The following STON2 variants were observed in gnomAD, a reference collection of about 807,000 sequenced individuals.
STON2 encodes stonin 2.
Under a neutral mutation model 65.7 loss-of-function variants are expected in STON2, and 29 were observed. That is an observed-to-expected ratio of 0.44 (90% CI 0.33 to 0.60). The LOEUF is 0.60. STON2 is among the 20% of genes least tolerant of loss of function. The pLI is 0.03. For missense variants in STON2, 1,054 were observed against 1,118.1 expected (o/e 0.94, Z 0.82); for synonymous variants, 404 against 414.2 (o/e 0.98, Z 0.30).
intron 5 of STON2, among the ~76,000 whole-genome samples, chr14:81,297,951 C>T (rs570433990): frequency 1.3e-5 from 2 of 152,308 alleles, no homozygotes; most frequent in East Asian, 3.9e-4. Context: ...GCAGGAGAAT[C>T]GCTTGAACCT....
intron 2 of STON2, among the ~76,000 whole-genome samples, chr14:81,411,260 G>A (rs1219739385): frequency 6.6e-6 from 1 of 152,204 alleles, no homozygotes; most frequent in Non-Finnish European, 1.5e-5. Flanking sequence ...AGAATGTTTT[G>A]AAGGTGGGAT....
intron 5 of STON2, among the ~76,000 whole-genome samples, chr14:81,321,442 T>A (rs1433630138): frequency 1.3e-5 from 2 of 148,566 alleles, no homozygotes; most frequent in African/African-American, 5.0e-5. Flanking sequence ...CACAGCTGGG[T>A]ATTGTTCTGA....
chr14:81,264,413 A>G lies in STON2; in HGVS notation c.*4001T>C. On this transcript the variant is annotated 3_prime_UTR_variant, in exon 8 of 8. Coordinates refer to ENST00000614646, the MANE Select transcript of STON2 (RefSeq NM_001394390.1). ...GTCTCAGGGTCAGTATTCTTTCAGC[A>G]AACATTTATTGAATACATACTCATT... is the stretch of plus-strand genomic sequence containing the variant. 2 of 985,480 alleles carry G rather than the reference A, an allele frequency of 2.0e-6. No homozygotes were observed. Among genetic ancestry groups the G allele is most frequent in the Non-Finnish European group, 2.4e-6 (2 of 829,934 alleles). 61.0% of individuals were successfully genotyped at this position (985,480 alleles called of 1,614,324 possible).
At chr14:81,290,416 G>A (rs1895509593) in intron 5 of STON2, among the ~76,000 whole-genome samples, 1 of 152,206 alleles carries the variant, frequency 6.6e-6, no homozygotes, top group Non-Finnish European at 1.5e-5. Flanking sequence ...AAAGAGAGCT[G>A]AGATCTCTTG....
At chr14:81,318,409 T>G (rs989892378) in intron 5 of STON2, among the ~76,000 whole-genome samples, 1 of 152,136 alleles carries the variant, frequency 6.6e-6, no homozygotes, top group Admixed American at 6.5e-5. Context: ...CAGCTAGGAC[T>G]TTAGGAGCCT....
rs1388840992 is a variant in STON2, at chr14:81,270,508, T to C, written c.2784+162A>G. ...CCACTAGCCAGATTATGCATTTAAA[T>C]CAGAGCAGACGCACCCACAGCTATG... On this transcript the variant is annotated intron_variant, in intron 7 of 7. Transcript: ENST00000614646. 3 of 1,525,648 alleles carry C rather than the reference T, an allele frequency of 2.0e-6. No homozygotes were observed. In the African/African-American group the frequency reaches 4.1e-5, roughly 21 times the overall value. 94.5% of individuals were successfully genotyped at this position (1,525,648 alleles called of 1,614,324 possible).
chr14:81,426,880 C>G (rs1342536834), intron 2 of STON2, among the ~76,000 whole-genome samples: 2 of 152,208 alleles, frequency 1.3e-5, no homozygotes, highest in Admixed American at 1.3e-4. Context: ...CTTCGTCTAA[C>G]ACAGCACTGT....
intron 4 of STON2, among the ~76,000 whole-genome samples, chr14:81,337,764 T>TGGGGAGTCACTGTATGTATG (rs1439766659): frequency 3.3e-5 from 5 of 152,082 alleles, no homozygotes; most frequent in Non-Finnish European, 7.4e-5. Flanking sequence ...AGTCCTACCT[T>TGGGGAGTCACTGTATGTATG]GGGGAGTCAC....
rs577959252 is a variant in STON2, at chr14:81,265,364, T to C, written c.*3050A>G. On this transcript the variant is annotated 3_prime_UTR_variant, in exon 8 of 8. Transcript: ENST00000614646. ...ATGTTAGGTTTTTAAAAATTAATAA[T>C]AATTTGTGGGTCCAGCATGGTGGCT... The C allele has an allele frequency of 1.8e-4, 178 of 983,748 alleles. 2 individuals carry two copies. The African/African-American group carries it at 2.6e-3, about 15-fold the overall frequency. 60.9% of individuals were successfully genotyped at this position (983,748 alleles called of 1,614,324 possible). A position where few individuals can be genotyped will look rare whatever the true frequency, so the allele number is the denominator to read the frequency against.
At chr14:81,304,831 A>G (rs575616074) in intron 5 of STON2, among the ~76,000 whole-genome samples, 17 of 152,308 alleles carry the variant, frequency 1.1e-4, no homozygotes, top group African/African-American at 4.1e-4. Context: ...ACTTTTTAAA[A>G]AGTATAAAAT....
At chr14:81,322,325 T>A (rs140701182) in intron 5 of STON2, among the ~76,000 whole-genome samples, 1 of 152,226 alleles carries the variant, frequency 6.6e-6, no homozygotes, top group Admixed American at 6.5e-5. Context: ...GTTAACTGCA[T>A]GGGCGACTTA....
chr14:81,388,257 CAT>C (rs576108442), intron 3 of STON2, among the ~76,000 whole-genome samples: 37 of 152,236 alleles, frequency 2.4e-4, no homozygotes, highest in African/African-American at 8.9e-4. Context: ...CAATTTTAAT[CAT>C]ATGTTTCTAA....
intron 2 of STON2, among the ~76,000 whole-genome samples, chr14:81,413,474 T>G: frequency 7.1e-6 from 1 of 140,438 alleles, no homozygotes; most frequent in African/African-American, 2.9e-5. Context: ...CCTCACGTTG[T>G]TTTCTCTCAA....
chr14:81,425,206 A>G (rs1901907585), intron 2 of STON2, among the ~76,000 whole-genome samples: 1 of 152,230 alleles, frequency 6.6e-6, no homozygotes, highest in Non-Finnish European at 1.5e-5. Flanking sequence ...GATTCAGAAT[A>G]TTATTATTTG....
chr14:81,388,306 G>A (rs373789831), intron 3 of STON2, among the ~76,000 whole-genome samples: 22 of 152,204 alleles, frequency 1.4e-4, no homozygotes, highest in African/African-American at 4.6e-4. Context: ...CTGGCCAACC[G>A]TGATGGCACT....
At chr14:81,425,638 C>G (rs1416010106) in intron 2 of STON2, among the ~76,000 whole-genome samples, 1 of 151,876 alleles carries the variant, frequency 6.6e-6, no homozygotes, top group Non-Finnish European at 1.5e-5. Context: ...TCTTACCTGG[C>G]TCATGGTGGC....
chr14:81,417,637 T>C (rs1374533538), intron 2 of STON2, among the ~76,000 whole-genome samples: 1 of 152,122 alleles, frequency 6.6e-6, no homozygotes, highest in Non-Finnish European at 1.5e-5. Flanking sequence ...TGGGATATGT[T>C]GAGATGCAAA....
chr14:81,359,779 C>T (rs2140336800), intron 4 of STON2, among the ~76,000 whole-genome samples: 1 of 152,206 alleles, frequency 6.6e-6, no homozygotes, highest in South Asian at 2.1e-4. Context: ...CGGATAAATT[C>T]CCTAACAAAT....
Position 81,263,075 on chromosome 14 carries a change from C to T in STON2, c.*5339G>A. On this transcript the variant is annotated 3_prime_UTR_variant, in exon 8 of 8. Transcript: ENST00000614646. Reference sequence around the variant, plus strand: ...GGACTTAGTAGTAAAGTGTGTGAGACAGTGCATTTACCAAATGATATTTTT... The same window carrying T: ...GGACTTAGTAGTAAAGTGTGTGAGATAGTGCATTTACCAAATGATATTTTT... The T allele has an allele frequency of 1.0e-6, 1 of 985,258 alleles. No homozygotes were observed. The highest frequency in any genetic ancestry group is 1.2e-6 in the Non-Finnish European group (1 of 829,806). 61.0% of individuals were successfully genotyped at this position (985,258 alleles called of 1,614,324 possible). A position where few individuals can be genotyped will look rare whatever the true frequency, so the allele number is the denominator to read the frequency against.
Sources: gnomAD v4.1 joint callset for allele counts (sites outside exome capture counted in the v4.1 genomes callset) on GRCh38, gnomAD v4.1.1 for gene constraint, MANE v1.5 for transcripts, NCBI Gene and HGNC (gene_info 2026-07-23, HGNC 2026-07-21) for gene names.